SLC7A2: variants seen among roughly 807,000 people sequenced by gnomAD.
The protein encoded by SLC7A2 is solute carrier family 7 member 2.
SLC7A2 carries 48 observed loss-of-function variants against 58.9 expected under a neutral mutation model. That is an observed-to-expected ratio of 0.82 (90% CI 0.65 to 1.04). The LOEUF (loss-of-function observed/expected upper bound fraction) is 1.04. Among genes scored for constraint, SLC7A2 ranks in the 50% least tolerant of loss-of-function variants. The pLI, the probability that SLC7A2 is intolerant of heterozygous loss-of-function variation, is 0.00. For missense variants in SLC7A2, 1,029 were observed against 818.8 expected (o/e 1.26, Z -3.13); for synonymous variants, 363 against 314.5 (o/e 1.15, Z -1.63).
intron 8 of SLC7A2, 47 bp from the exon 9 acceptor site, chr8:17,558,248 T>C: frequency 8.0e-7 from 1 of 1,253,516 alleles, no homozygotes; most frequent in Non-Finnish European, 1.2e-6. Flanking sequence ...CTGTATGGAA[T>C]TTCCTCCTGG....
rs781598289 is a variant in SLC7A2, at chr8:17,551,942, C to G, written c.1011C>G (p.Ala337=). 12 of 1,613,916 alleles carry G rather than the reference C, an allele frequency of 7.4e-6. No individual in the cohort carries two copies. In the East Asian group the frequency reaches 2.2e-4, roughly 30 times the overall value. Residue 337 remains alanine, a synonymous_variant, in exon 7 of 13, where the codon GCC becomes GCG. Transcript: ENST00000494857. The part of the protein sequence containing the change: ...VAFEYVGWGP[A]KYVVAAGSLC... Reference sequence around the variant, plus strand: ...TTGAATATGTGGGATGGGGTCCTGCCAAATATGTCGTCGCAGCTGGTTCTC... The same window carrying G: ...TTGAATATGTGGGATGGGGTCCTGCGAAATATGTCGTCGCAGCTGGTTCTC...
chr8:17,524,058 C>T (rs979600928), intron 2 of SLC7A2, among the ~76,000 whole-genome samples: 1 of 152,136 alleles, frequency 6.6e-6, no homozygotes, highest in Admixed American at 6.5e-5. Flanking sequence ...AATGCAATAC[C>T]ACCTCACTCC....
intron 1 of SLC7A2, among the ~76,000 whole-genome samples, chr8:17,497,851 G>C (rs1027424470): frequency 6.6e-6 from 1 of 152,116 alleles, no homozygotes; most frequent in African/African-American, 2.4e-5. Context: ...TTTGAGATGG[G>C]CTGTATTTTA....
intron 2 of SLC7A2, among the ~76,000 whole-genome samples, chr8:17,528,327 T>C (rs13264180): frequency 0.038 from 5,857 of 152,262 alleles, 149 homozygotes; most frequent in East Asian, 0.12. Flanking sequence ...TTTGTTTTCT[T>C]GAGAGGTTCA....
chr8:17,499,951 T>C (rs1800088426), intron 1 of SLC7A2: 1 of 152,228 alleles, frequency 6.6e-6, no homozygotes, highest in Admixed American at 6.5e-5. Flanking sequence ...GTCTTTATTG[T>C]TGAGTGAATG....
At chr8:17,531,031 CG>C (rs1801429808) in intron 2 of SLC7A2, among the ~76,000 whole-genome samples, 1 of 151,970 alleles carries the variant, frequency 6.6e-6, no homozygotes, top group African/African-American at 2.4e-5. Flanking sequence ...AATCTCCATA[CG>C]GTGTGGTTTC....
At chr8:17,548,909 A>C in intron 5 of SLC7A2, 66 bp downstream of exon 5, 2 of 1,343,698 alleles carry the variant, frequency 1.5e-6, no homozygotes, top group South Asian at 1.3e-5. Context: ...TGGGTGTATT[A>C]GTTCATTTTT....
chr8:17,546,781 C>A lies in SLC7A2; in HGVS notation c.533-1897C>A, dbSNP rs192504948. On this transcript the variant is annotated intron_variant, in intron 4 of 12. Transcript: ENST00000494857. Reference sequence around the variant, plus strand: ...TGGTGGGTGGTATAGATACGGGGAACAAACAACTAAATCTGTGGCATCATC... The same window carrying A: ...TGGTGGGTGGTATAGATACGGGGAAAAAACAACTAAATCTGTGGCATCATC... Among the ~76,000 whole-genome samples, 269 of 152,184 alleles carry A rather than the reference C, an allele frequency of 1.8e-3. 2 individuals are homozygous for A. The highest frequency in any genetic ancestry group is 3.1e-3 in the Non-Finnish European group (213 of 67,986).
At chr8:17,509,655 C>A (rs752121863) in intron 2 of SLC7A2, among the ~76,000 whole-genome samples, 1 of 152,046 alleles carries the variant, frequency 6.6e-6, no homozygotes, top group Non-Finnish European at 1.5e-5. Context: ...AGAGTGCAAT[C>A]ATTTTTATTT....
At chr8:17,528,407 CAG>C (rs1801306563) in intron 2 of SLC7A2, among the ~76,000 whole-genome samples, 1 of 151,890 alleles carries the variant, frequency 6.6e-6, no homozygotes, top group Admixed American at 6.6e-5. Flanking sequence ...TTTTTAGAGA[CAG>C]GGTCTCACTC....
rs374482128 is a variant in SLC7A2 at position 17,534,823 on chromosome 8, T to C, written c.-22-8495T>C. ...TAAACTATATGGCATGTAAAGTTAA[T>C]GTTTTAACTTTGGAGTGAAATAGGC... On this transcript the variant is annotated intron_variant, in intron 2 of 12. Transcript: ENST00000494857. Among the ~76,000 whole-genome samples, 43 of 152,258 alleles carry C rather than the reference T, an allele frequency of 2.8e-4. No individual in the cohort carries two copies. The East Asian group carries it at 5.2e-3, about 18-fold the overall frequency.
chr8:17,528,951 G>C (rs1048244072), intron 2 of SLC7A2, among the ~76,000 whole-genome samples: 1 of 151,798 alleles, frequency 6.6e-6, no homozygotes, highest in Non-Finnish European at 1.5e-5. Flanking sequence ...GCCTGTCGGG[G>C]ATGAAAGGAA....
At chr8:17,513,463 C>T (rs1043929475) in intron 2 of SLC7A2, among the ~76,000 whole-genome samples, 1 of 152,154 alleles carries the variant, frequency 6.6e-6, no homozygotes, top group African/African-American at 2.4e-5. Context: ...AAGTTTAAAA[C>T]CTGCCTGGTT....
At chr8:17,551,643 A>C in intron 6 of SLC7A2, 121 bp from the exon 7 acceptor site, 2 of 736,154 alleles carry the variant, frequency 2.7e-6, no homozygotes, top group Non-Finnish European at 4.8e-6. Context: ...GACCAAGATA[A>C]GAAAAGGGAC....
At chr8:17,522,089 G>T (rs758734859) in intron 2 of SLC7A2, among the ~76,000 whole-genome samples, 1 of 152,112 alleles carries the variant, frequency 6.6e-6, no homozygotes, top group African/African-American at 2.4e-5. Context: ...TGATAAAGAC[G>T]TACCCAAGAT....
intron 1 of SLC7A2, chr8:17,500,530 T>C (rs1251057552): frequency 6.6e-6 from 1 of 152,182 alleles, no homozygotes; most frequent in Non-Finnish European, 1.5e-5. Context: ...AAAATTGGGT[T>C]AATAGGTGCA....
intron 6 of SLC7A2, among the ~76,000 whole-genome samples, chr8:17,551,389 A>G (rs1802442663): frequency 6.6e-6 from 1 of 152,214 alleles, no homozygotes; most frequent in Non-Finnish European, 1.5e-5. Context: ...ACTTGAGGCC[A>G]GGAATTAGAG....
chr8:17,513,041 T>C (rs1336289487), intron 2 of SLC7A2, among the ~76,000 whole-genome samples: 1 of 152,356 alleles, frequency 6.6e-6, no homozygotes, highest in African/African-American at 2.4e-5. Flanking sequence ...TTCTCCATGA[T>C]AGACACTTGG....
At chr8:17,535,493 A>G (rs1801626143) in intron 2 of SLC7A2, among the ~76,000 whole-genome samples, 1 of 152,186 alleles carries the variant, frequency 6.6e-6, no homozygotes, top group African/African-American at 2.4e-5. Context: ...TGTCTGTGCA[A>G]CTGCAGGTGG....
Sources: allele counts gnomAD v4.1 joint callset (sites outside exome capture counted in the v4.1 genomes callset), GRCh38; gene constraint gnomAD v4.1.1; transcripts MANE v1.5; gene names NCBI Gene and HGNC (gene_info 2026-07-23, HGNC 2026-07-21).